Variants in SLC2A9 observed in about 807,000 individuals in gnomAD.
The protein encoded by SLC2A9 is solute carrier family 2, facilitated glucose transporter member 9.
A neutral mutation model predicts 50.6 loss-of-function variants in SLC2A9; 39 were observed. That is an observed-to-expected ratio of 0.77 (90% CI 0.60 to 1.01). The LOEUF (loss-of-function observed/expected upper bound fraction) is 1.01, where lower values mean the gene tolerates loss of function less well. SLC2A9 is among the 50% of genes least tolerant of loss of function. The pLI is 0.00. For synonymous variants in SLC2A9, 324 were observed against 276.9 expected (o/e 1.17, Z -1.69); for missense variants, 686 against 677.6 (o/e 1.01, Z -0.14).
intron 6 of SLC2A9, among the ~76,000 whole-genome samples, chr4:9,941,662 T>C (rs1748153643): frequency 6.6e-6 from 1 of 152,216 alleles, no homozygotes; most frequent in Non-Finnish European, 1.5e-5. Flanking sequence ...ACCTGCGTCT[T>C]ATCTTGTCTG....
chr4:9,777,345 A>T (rs1717705377), downstream of SLC2A9, among the ~76,000 whole-genome samples: 1 of 148,682 alleles, frequency 6.7e-6, no homozygotes, highest in Non-Finnish European at 1.5e-5. Flanking sequence ...CCGAGGCTGG[A>T]GTGCAGTGGT....
At chr4:10,026,578 ATAT>A (rs1484796007) in intron 1 of SLC2A9, among the ~76,000 whole-genome samples, 2 of 152,234 alleles carry the variant, frequency 1.3e-5, no homozygotes, top group Non-Finnish European at 2.9e-5. Flanking sequence ...CACAGCAATG[ATAT>A]TCCAATGGCC....
chr4:9,839,235 G>T (rs1727604045), intron 10 of SLC2A9, among the ~76,000 whole-genome samples: 1 of 152,126 alleles, frequency 6.6e-6, no homozygotes, highest in South Asian at 2.1e-4. Context: ...ATGAAGAAAA[G>T]CTCAATATCA....
chr4:10,007,326 C>T (rs900054713), intron 2 of SLC2A9, among the ~76,000 whole-genome samples: 2 of 152,222 alleles, frequency 1.3e-5, no homozygotes, highest in Admixed American at 1.3e-4. Context: ...GGCTGACTCA[C>T]TGGGAAAGAG....
chr4:10,001,356 T>C (rs113160751), intron 2 of SLC2A9, among the ~76,000 whole-genome samples: 1 of 152,084 alleles, frequency 6.6e-6, no homozygotes, highest in South Asian at 2.1e-4. Flanking sequence ...AGGAAGATGA[T>C]GTAAACAGGC....
At position 9,867,851 on chromosome 4, in the gene SLC2A9, G is replaced by C. The variant is rs77096257; in HGVS notation, c.1291+19716C>G. Among the ~76,000 whole-genome samples, 695 of 152,306 alleles carry C rather than the reference G, an allele frequency of 4.6e-3. 6 individuals carry two copies. The highest frequency in any genetic ancestry group is 0.016 in the African/African-American group (665 of 41,558). ...CCCTATGCAGGGGACTAAACATTAA[G>C]CCTCTGCATGCTGATCCCATTCTGT... is the stretch of plus-strand genomic sequence containing the variant. On this transcript the variant is annotated intron_variant, in intron 10 of 11. Transcript: ENST00000264784.
chr4:9,950,718 CCTG>C (rs1341536860), intron 5 of SLC2A9, among the ~76,000 whole-genome samples: 6,243 of 74,494 alleles, frequency 0.084, 1,551 homozygotes, highest in African/African-American at 0.18. Flanking sequence ...ACGGTGAAAC[CCTG>C]TCTCTACTAA....
intron 5 of SLC2A9, among the ~76,000 whole-genome samples, chr4:9,953,777 C>T (rs1016397762): frequency 2.0e-5 from 3 of 147,916 alleles, no homozygotes; most frequent in Admixed American, 1.4e-4. Flanking sequence ...CATGCACTAC[C>T]GTGCCCAGCT....
chr4:9,931,628 G>A (rs1336386036), intron 6 of SLC2A9, among the ~76,000 whole-genome samples: 1 of 152,112 alleles, frequency 6.6e-6, no homozygotes, highest in Non-Finnish European at 1.5e-5. Context: ...TTCATGCTCT[G>A]ACCTAGATCT....
intron 2 of SLC2A9, among the ~76,000 whole-genome samples, chr4:10,010,773 C>T (rs977011361): frequency 6.6e-6 from 1 of 152,186 alleles, no homozygotes; most frequent in East Asian, 1.9e-4. Context: ...CTGAACTGTC[C>T]CGCCCACCTC....
At chr4:9,986,576 C>T (rs1756761486) in intron 3 of SLC2A9, among the ~76,000 whole-genome samples, 1 of 152,154 alleles carries the variant, frequency 6.6e-6, no homozygotes, top group African/African-American at 2.4e-5. Context: ...CGTTCTACAA[C>T]TTTTGTTGGC....
chr4:9,839,852 G>GA (rs1487501909), intron 10 of SLC2A9, among the ~76,000 whole-genome samples: 1 of 152,036 alleles, frequency 6.6e-6, no homozygotes, highest in Non-Finnish European at 1.5e-5. Context: ...AGAGGATCAG[G>GA]AAAAATATTA....
downstream of SLC2A9, among the ~76,000 whole-genome samples, chr4:9,823,516 A>G (rs997287196): frequency 1.3e-5 from 2 of 152,216 alleles, no homozygotes; most frequent in African/African-American, 4.8e-5. Context: ...CTAGATTATC[A>G]ACTTAGGTAA....
At chr4:10,008,694 C>G (rs146914383) in intron 2 of SLC2A9, among the ~76,000 whole-genome samples, 3 of 152,250 alleles carry the variant, frequency 2.0e-5, no homozygotes, top group Middle Eastern at 3.4e-3. Context: ...TGGATGGAGT[C>G]TGGGTTTTGA....
chr4:9,997,782 A>G (rs79014420), intron 2 of SLC2A9, among the ~76,000 whole-genome samples: 1,387 of 92,084 alleles, frequency 0.015, 18 homozygotes, highest in African/African-American at 0.069. Flanking sequence ...GCCATAAAAG[A>G]AAAAAAAATG....
intron 10 of SLC2A9, among the ~76,000 whole-genome samples, chr4:9,865,599 G>A (rs1560209400): frequency 6.6e-6 from 1 of 152,338 alleles, no homozygotes; most frequent in South Asian, 2.1e-4. Flanking sequence ...TCGCTTAGCA[G>A]TCTTTATATA....
intron 6 of SLC2A9, among the ~76,000 whole-genome samples, chr4:9,929,242 G>T (rs1235438071): frequency 6.6e-6 from 1 of 152,210 alleles, no homozygotes; most frequent in Non-Finnish European, 1.5e-5. Flanking sequence ...CTTGCACATG[G>T]GCAGTGACAC....
intron 5 of SLC2A9, among the ~76,000 whole-genome samples, chr4:9,948,365 G>A (rs1749586221): frequency 6.6e-6 from 1 of 152,164 alleles, no homozygotes; most frequent in Non-Finnish European, 1.5e-5. Context: ...TAGGTGCTGG[G>A]GTTGTTCAAG....
chr4:10,037,959 A>AT (rs1188744372), intron 1 of SLC2A9, among the ~76,000 whole-genome samples: 2 of 151,934 alleles, frequency 1.3e-5, no homozygotes, highest in African/African-American at 2.4e-5. Context: ...TCAAAAATAA[A>AT]TAAATAATAA....
Sources: allele counts gnomAD v4.1 joint callset (sites outside exome capture counted in the v4.1 genomes callset), GRCh38; gene constraint gnomAD v4.1.1; transcripts MANE v1.5; gene names NCBI Gene and HGNC (gene_info 2026-07-23, HGNC 2026-07-21).